Variants in ARHGAP15 observed in about 807,000 individuals in gnomAD.
The protein encoded by ARHGAP15 is rho GTPase-activating protein 15.
Under a neutral mutation model 63.7 loss-of-function variants are expected in ARHGAP15, and 51 were observed. That is an observed-to-expected ratio of 0.80 (90% CI 0.64 to 1.01). The LOEUF (loss-of-function observed/expected upper bound fraction) is 1.01. Ranked by LOEUF, ARHGAP15 falls within the 50% of genes least tolerant of loss-of-function variation. The pLI is 0.00. For missense variants in ARHGAP15, 560 were observed against 564.6 expected (o/e 0.99, Z 0.08); for synonymous variants, 191 against 193.8 (o/e 0.99, Z 0.12).
chr2:143,711,475 T>C (rs1054405985), intron 13 of ARHGAP15, among the ~76,000 whole-genome samples: 3 of 152,004 alleles, frequency 2.0e-5, no homozygotes, highest in African/African-American at 7.3e-5. Flanking sequence ...TACAAGAACA[T>C]GGAAGAGAAC....
intron 6 of ARHGAP15, among the ~76,000 whole-genome samples, chr2:143,365,012 A>AAAAT (rs34729404): frequency 0.21 from 31,495 of 151,428 alleles, 3,587 homozygotes; most frequent in East Asian, 0.4. Context: ...TGTGGGAAAT[A>AAAAT]AAATAAATAA....
chr2:143,616,994 T>C lies in ARHGAP15; in HGVS notation c.1004-7139T>C, dbSNP rs953856693. On this transcript the variant is annotated intron_variant, in intron 11 of 13. Coordinates refer to ENST00000295095, the MANE Select transcript of ARHGAP15 (RefSeq NM_018460.4). Reference sequence around the variant, plus strand: ...ATATTTCCACTTTAGACATAGTAGTTGGACAAAGAATGAATATGAAAACGG... The same window carrying C: ...ATATTTCCACTTTAGACATAGTAGTCGGACAAAGAATGAATATGAAAACGG... Among the ~76,000 whole-genome samples the C allele has an allele frequency of 2.6e-5, 4 of 152,322 alleles. No individual in the cohort carries two copies. The East Asian group carries it at 7.7e-4, about 29-fold the overall frequency.
At chr2:143,727,269 C>T (rs1199266646) in intron 13 of ARHGAP15, among the ~76,000 whole-genome samples, 1 of 152,170 alleles carries the variant, frequency 6.6e-6, no homozygotes, top group African/African-American at 2.4e-5. Context: ...ATGAACAGTA[C>T]TCAGCCTACA....
At chr2:143,731,911 A>C (rs762613586) in intron 13 of ARHGAP15, among the ~76,000 whole-genome samples, 2 of 152,170 alleles carry the variant, frequency 1.3e-5, no homozygotes, top group Non-Finnish European at 2.9e-5. Context: ...AGAAGGTGTT[A>C]TTTTCCTAGA....
rs774917128 is a variant in ARHGAP15 at position 143,451,479 on chromosome 2, GTTTA to G, written c.703+14441_703+14444del. On this transcript the variant is annotated intron_variant, in intron 8 of 13. Coordinates refer to ENST00000295095, the MANE Select transcript of ARHGAP15 (RefSeq NM_018460.4). ...TTCTTGATAAGCCACTAAATTTTTA[GTTTA>G]TTTGTCATCAGATCCCAAATCCCAG... Among the ~76,000 whole-genome samples, 50 of 151,850 alleles carry G rather than the reference GTTTA, an allele frequency of 3.3e-4. No homozygotes were observed. The Middle Eastern group carries it at 0.01, about 31-fold the overall frequency.
intron 2 of ARHGAP15, among the ~76,000 whole-genome samples, chr2:143,197,598 A>C (rs1403967819): frequency 6.6e-6 from 1 of 152,132 alleles, no homozygotes; most frequent in Non-Finnish European, 1.5e-5. Context: ...TTGGATCCAG[A>C]ATTTCCTAAG....
intron 6 of ARHGAP15, among the ~76,000 whole-genome samples, chr2:143,345,152 A>G (rs1440404764): frequency 6.6e-6 from 1 of 152,232 alleles, no homozygotes; most frequent in East Asian, 1.9e-4. Flanking sequence ...ATTTATTTTC[A>G]ATTTCATTTC....
At chr2:143,526,645 C>T (rs1694294309) in intron 10 of ARHGAP15, among the ~76,000 whole-genome samples, 1 of 151,996 alleles carries the variant, frequency 6.6e-6, no homozygotes, top group African/African-American at 2.4e-5. Context: ...AGAGTTCCAC[C>T]ATAAAAATAA....
chr2:143,526,238 C>T (rs148037923), intron 10 of ARHGAP15, among the ~76,000 whole-genome samples: 24 of 152,196 alleles, frequency 1.6e-4, no homozygotes, highest in African/African-American at 5.3e-4. Flanking sequence ...TAGGAATAAA[C>T]GTGCAGTTCA....
intron 10 of ARHGAP15, among the ~76,000 whole-genome samples, chr2:143,544,818 G>A (rs1695257749): frequency 6.6e-6 from 1 of 152,132 alleles, no homozygotes; most frequent in South Asian, 2.1e-4. Flanking sequence ...TGCCAAGCAG[G>A]AAGGAACATG....
intron 6 of ARHGAP15, among the ~76,000 whole-genome samples, chr2:143,397,316 A>ATGTATGTG (rs143187201): frequency 1.7e-4 from 25 of 147,732 alleles, no homozygotes; most frequent in Middle Eastern, 3.4e-3. Flanking sequence ...TGAGATATGT[A>ATGTATGTG]TGTGTGTGTG....
intron 12 of ARHGAP15, among the ~76,000 whole-genome samples, chr2:143,662,249 TCCCTGAC>T (rs1171824472): frequency 8.6e-5 from 13 of 151,486 alleles, no homozygotes; most frequent in Middle Eastern, 6.8e-3. Flanking sequence ...CTCAAGTGGG[TCCCTGAC>T]CCCTGACCCC....
intron 1 of ARHGAP15, among the ~76,000 whole-genome samples, chr2:143,146,971 C>A (rs1689616148): frequency 6.6e-6 from 1 of 152,054 alleles, no homozygotes; most frequent in Admixed American, 6.6e-5. Flanking sequence ...TATGCAACTT[C>A]CACATATTTG....
At chr2:143,528,013 C>T (rs1694356046) in intron 10 of ARHGAP15, among the ~76,000 whole-genome samples, 1 of 152,066 alleles carries the variant, frequency 6.6e-6, no homozygotes, top group Non-Finnish European at 1.5e-5. Flanking sequence ...GCTATCAATA[C>T]ACAGCTATGC....
chr2:143,553,677 C>T (rs1695668752), intron 10 of ARHGAP15, among the ~76,000 whole-genome samples: 1 of 152,120 alleles, frequency 6.6e-6, no homozygotes, highest in South Asian at 2.1e-4. Flanking sequence ...GTGATATGTC[C>T]AATCCATACT....
chr2:143,764,259 C>T (rs1045493264), intron 13 of ARHGAP15, among the ~76,000 whole-genome samples: 1 of 152,188 alleles, frequency 6.6e-6, no homozygotes, highest in South Asian at 2.1e-4. Context: ...ACAGGAGTCC[C>T]CCACGGTGGC....
rs1203564013 is a variant in ARHGAP15, at chr2:143,320,403, TCCCCACCCC to T, written c.474+69808_474+69816del. On this transcript the variant is annotated intron_variant, in intron 6 of 13. Coordinates refer to ENST00000295095, the MANE Select transcript of ARHGAP15 (RefSeq NM_018460.4). ...TTGATAAATGCCACAAATCAGGACT[TCCCCACCCC>T]CCCCCCCCCCAGAGATCCTATGATA... is the stretch of plus-strand genomic sequence containing the variant. Among the ~76,000 whole-genome samples, 4 of 9,008 alleles carry T rather than the reference TCCCCACCCC, an allele frequency of 4.4e-4. 2 individuals are homozygous for T. Among genetic ancestry groups the T allele is most frequent in the Admixed American group, 2.7e-3 (2 of 740 alleles). The allele number at this position is 9,008 out of a possible 152,430, so 5.9% of individuals were successfully genotyped here. A position where few individuals can be genotyped will look rare whatever the true frequency, so the allele number is the denominator to read the frequency against.
chr2:143,723,569 ATAGAT>A (rs1310799087), intron 13 of ARHGAP15, among the ~76,000 whole-genome samples: 5 of 152,192 alleles, frequency 3.3e-5, no homozygotes, highest in African/African-American at 4.8e-5. Flanking sequence ...GGTGCAATCT[ATAGAT>A]TAAAGAGAGT....
At chr2:143,714,005 T>A (rs183806021) in intron 13 of ARHGAP15, among the ~76,000 whole-genome samples, 2 of 152,296 alleles carry the variant, frequency 1.3e-5, no homozygotes, top group East Asian at 3.9e-4. Flanking sequence ...GGCCCTCTTT[T>A]CTCATAGCTC....
Sources: allele counts gnomAD v4.1 joint callset (sites outside exome capture counted in the v4.1 genomes callset), GRCh38; gene constraint gnomAD v4.1.1; transcripts MANE v1.5; gene names NCBI Gene and HGNC (gene_info 2026-07-23, HGNC 2026-07-21).